The following EFHD1 variants were observed in gnomAD, a reference collection of about 807,000 sequenced individuals.
The protein encoded by EFHD1 is EF-hand domain-containing protein D1.
In EFHD1, 10 loss-of-function variants were observed where a neutral mutation model predicts 17.2. The ratio of observed to expected loss-of-function variants is 0.58; its 90% CI spans 0.36 to 0.99. The LOEUF (loss-of-function observed/expected upper bound fraction) is 0.99, where lower values mean the gene tolerates loss of function less well. Among genes scored for constraint, EFHD1 ranks in the 50% least tolerant of loss-of-function variants. The pLI, the probability that EFHD1 is intolerant of heterozygous loss-of-function variation, is 0.01. For missense variants in EFHD1, 310 were observed against 327.5 expected, an observed-to-expected ratio of 0.95 and a Z score of 0.41; for synonymous variants, 153 against 142.0, an observed-to-expected ratio of 1.08 and a Z score of -0.55.
intron 1 of EFHD1, among the ~76,000 whole-genome samples, chr2:232,625,302 CA>C (rs1311679536): frequency 7.4e-6 from 1 of 134,846 alleles, no homozygotes; most frequent in Admixed American, 7.6e-5. Flanking sequence ...CTAATTTAAA[CA>C]TTTTTTTTTT....
At position 232,633,837 on chromosome 2, in the gene EFHD1, C is replaced by G. The variant is rs1324049261; in HGVS notation, c.133C>G (p.Arg45Gly). 2 of 1,485,322 alleles carry G rather than the reference C, an allele frequency of 1.3e-6. No homozygotes were observed. The highest frequency in any genetic ancestry group is 2.9e-5 in the African/African-American group (2 of 68,336). 92.0% of individuals were successfully genotyped at this position (1,485,322 alleles called of 1,614,324 possible). ...EPKPEPEPPA[R>G]APTASADAEL... The stretch of plus-strand genomic sequence containing the variant: ...CAAGCCCGAGCCCGAGCCTCCCGCC[C>G]GTGCGCCCACGGCCAGCGCCGACGC... The change falls in exon 1 of 4, where the codon CGT becomes GGT. Residue 45 changes from arginine (R) to glycine (G), a missense_variant. Transcript: ENST00000264059.
chr2:232,637,080 A>G (rs1694331560), intron 1 of EFHD1, among the ~76,000 whole-genome samples: 2 of 152,110 alleles, frequency 1.3e-5, no homozygotes, highest in Admixed American at 1.3e-4. Context: ...AAATGCCACA[A>G]AGTGGGTAGC....
At chr2:232,655,309 T>C (rs1295703262) in intron 1 of EFHD1, among the ~76,000 whole-genome samples, 4 of 152,194 alleles carry the variant, frequency 2.6e-5, no homozygotes, top group African/African-American at 9.6e-5. Flanking sequence ...TTCAAGCCAC[T>C]GTACCTGCCC....
At position 232,681,590 on chromosome 2, in the gene EFHD1, AGCCTTGTCATCG is replaced by A; in HGVS notation, c.595_606del (p.Leu199_Ala202del). On this transcript the variant is annotated inframe_deletion, in exon 4 of 4. Coordinates refer to ENST00000264059, the MANE Select transcript of EFHD1 (RefSeq NM_025202.4). ...TGTCTGCTATTTCTCTGCAGGTCCA[AGCCTTGTCATCG>A]GCCAGTAAGTTTGAAGCAGAGTTGA... 8.1e-6 allele frequency: 13 copies of A among 1,614,032 alleles called. No individual in the cohort carries two copies. Among genetic ancestry groups the A allele is most frequent in the Non-Finnish European group, 1.1e-5 (13 of 1,179,944 alleles).
chr2:232,673,917 T>TC (rs1417593568), intron 3 of EFHD1, among the ~76,000 whole-genome samples: 1 of 149,552 alleles, frequency 6.7e-6, no homozygotes, highest in African/African-American at 2.5e-5. Context: ...CTTTTTTTTT[T>TC]TTTTTTTTTG....
chr2:232,628,986 GGTGTTTCA>G (rs1694154522), upstream of EFHD1, among the ~76,000 whole-genome samples: 1 of 148,136 alleles, frequency 6.8e-6, no homozygotes, highest in Admixed American at 6.8e-5. Flanking sequence ...GCCACGTGTG[GGTGTTTCA>G]GCCAACAGCC....
intron 1 of EFHD1, among the ~76,000 whole-genome samples, chr2:232,653,535 C>G: frequency 6.6e-6 from 1 of 152,204 alleles, no homozygotes; most frequent in Non-Finnish European, 1.5e-5. Flanking sequence ...AGTGATCCGC[C>G]CACCTCGGCC....
intron 2 of EFHD1, among the ~76,000 whole-genome samples, chr2:232,665,419 T>C (rs1694951134): frequency 6.6e-6 from 1 of 151,800 alleles, no homozygotes; most frequent in African/African-American, 2.4e-5. Context: ...GCACCTGTAT[T>C]ATATTAACTT....
At chr2:232,654,131 C>T (rs774762222) in intron 1 of EFHD1, among the ~76,000 whole-genome samples, 1 of 150,364 alleles carries the variant, frequency 6.7e-6, no homozygotes, top group Non-Finnish European at 1.5e-5. Context: ...CACTTGAACC[C>T]GGGAGGCAGA....
At chr2:232,610,367 G>A (rs1318593674) in intron 1 of EFHD1, among the ~76,000 whole-genome samples, 1 of 152,172 alleles carries the variant, frequency 6.6e-6, no homozygotes, top group East Asian at 1.9e-4. Flanking sequence ...GCCTGGTCAG[G>A]ACCCTGCCCC....
chr2:232,610,521 G>T (rs1230381600), intron 1 of EFHD1, among the ~76,000 whole-genome samples: 1 of 152,086 alleles, frequency 6.6e-6, no homozygotes, highest in Non-Finnish European at 1.5e-5. Flanking sequence ...CTTGCAATGA[G>T]ATAGCACCAC....
intron 1 of EFHD1, among the ~76,000 whole-genome samples, chr2:232,648,465 C>A (rs2140773): frequency 0.61 from 91,950 of 151,776 alleles, 28,369 homozygotes; most frequent in African/African-American, 0.68. Flanking sequence ...GAGGACCCAC[C>A]CAACCAGAGA....
At chr2:232,606,127 A>C (rs1181128507) in exon 1 of EFHD1, 2 of 1,549,878 alleles carry the variant, frequency 1.3e-6, no homozygotes, top group African/African-American at 2.7e-5. Flanking sequence ...GTGAAGGCCA[A>C]GATCTGTAAC....
chr2:232,609,291 C>A (rs1247997218), intron 1 of EFHD1, among the ~76,000 whole-genome samples: 1 of 151,896 alleles, frequency 6.6e-6, no homozygotes, highest in East Asian at 1.9e-4. Context: ...GAACTCCTGA[C>A]CTCAGGTGAT....
intron 1 of EFHD1, among the ~76,000 whole-genome samples, chr2:232,661,141 C>G (rs910117716): frequency 1.4e-5 from 2 of 138,880 alleles, no homozygotes; most frequent in African/African-American, 2.6e-5. Flanking sequence ...GAACATGACT[C>G]TGTCTCAAAA....
chr2:232,667,547 T>TTATG (rs1694990986), intron 2 of EFHD1, among the ~76,000 whole-genome samples: 1 of 150,636 alleles, frequency 6.6e-6, no homozygotes, highest in African/African-American at 2.4e-5. Context: ...ATTAATTTAT[T>TTATG]TATTTATTTA....
intron 1 of EFHD1, among the ~76,000 whole-genome samples, chr2:232,655,129 T>C (rs1018986814): frequency 2.6e-5 from 4 of 152,182 alleles, no homozygotes; most frequent in African/African-American, 9.7e-5. Flanking sequence ...TGCTGGGCAG[T>C]GAGCGGTGGG....
intron 3 of EFHD1, among the ~76,000 whole-genome samples, chr2:232,676,147 C>T (rs2106219482): frequency 6.6e-6 from 1 of 152,168 alleles, no homozygotes; most frequent in East Asian, 1.9e-4. Flanking sequence ...TGCACTCCAG[C>T]CTGGGCGACA....
chr2:232,625,467 C>G (rs1209817940), intron 1 of EFHD1, among the ~76,000 whole-genome samples: 1 of 152,058 alleles, frequency 6.6e-6, no homozygotes, highest in African/African-American at 2.4e-5. Context: ...TATATGCATG[C>G]CTGAATATAT....
Sources: allele counts gnomAD v4.1 joint callset (sites outside exome capture counted in the v4.1 genomes callset), GRCh38; gene constraint gnomAD v4.1.1; transcripts MANE v1.5; gene names NCBI Gene and HGNC (gene_info 2026-07-23, HGNC 2026-07-21).